The following LCOR variants were observed in gnomAD, a reference collection of about 807,000 sequenced individuals.
LCOR encodes ligand-dependent corepressor.
A neutral mutation model predicts 64.4 loss-of-function variants in LCOR; 14 were observed. That is an observed-to-expected ratio of 0.22 (90% CI 0.14 to 0.34). The LOEUF is 0.34. Ranked by LOEUF, LCOR falls within the 10% of genes least tolerant of loss-of-function variation. LCOR has a pLI of 1.00. For synonymous variants in LCOR, 643 were observed against 642.5 expected (o/e 1.00, Z -0.01); for missense variants, 1,686 against 1,765.3 (o/e 0.96, Z 0.80).
chr10:96,865,602 C>T (rs372865191), intron 2 of LCOR, among the ~76,000 whole-genome samples: 1 of 152,050 alleles, frequency 6.6e-6, no homozygotes, highest in African/African-American at 2.4e-5. Flanking sequence ...GAGCCAGGCG[C>T]GGTGGCTCAC....
intron 2 of LCOR, among the ~76,000 whole-genome samples, chr10:96,847,278 T>C (rs1023653799): frequency 4.0e-5 from 6 of 149,510 alleles, no homozygotes; most frequent in African/African-American, 1.5e-4. Context: ...TTTTCCACAT[T>C]AGCTGAGAAG....
At chr10:96,896,828 T>C (rs1026315918) in intron 2 of LCOR, among the ~76,000 whole-genome samples, 8 of 152,176 alleles carry the variant, frequency 5.3e-5, no homozygotes, top group African/African-American at 1.9e-4. Context: ...TAGGTCTAGG[T>C]TGGGGCTAAC....
intron 2 of LCOR, among the ~76,000 whole-genome samples, chr10:96,885,856 G>T (rs546688892): frequency 3.9e-5 from 6 of 151,980 alleles, no homozygotes; most frequent in Non-Finnish European, 8.8e-5. Flanking sequence ...AGGGTGCCCC[G>T]TTTTAATATT....
intron 2 of LCOR, among the ~76,000 whole-genome samples, chr10:96,857,022 ACT>A (rs1037006011): frequency 7.9e-5 from 12 of 151,738 alleles, no homozygotes; most frequent in Admixed American, 7.2e-4. Flanking sequence ...CCATTCTCTT[ACT>A]CTTTTTTTTA....
chr10:96,939,493 A>G (rs1847410358), intron 4 of LCOR, among the ~76,000 whole-genome samples: 1 of 152,364 alleles, frequency 6.6e-6, no homozygotes, highest in South Asian at 2.1e-4. Flanking sequence ...ATTGGAATTC[A>G]TTAAAATTAA....
At chr10:96,832,441 C>G in intron 1 of LCOR, 42 bp downstream of exon 1, 2 of 790,014 alleles carry the variant, frequency 2.5e-6, no homozygotes, top group Non-Finnish European at 3.1e-6. Flanking sequence ...CCGGCCGCCC[C>G]GCCGCCGGTC....
intron 2 of LCOR, among the ~76,000 whole-genome samples, chr10:96,894,345 G>A (rs1393871135): frequency 1.3e-5 from 2 of 152,268 alleles, no homozygotes; most frequent in East Asian, 3.9e-4. Flanking sequence ...CCAAAGTGCT[G>A]GGATTATAGG....
intron 4 of LCOR, among the ~76,000 whole-genome samples, chr10:96,943,734 A>T (rs1000731838): frequency 4.0e-5 from 6 of 148,924 alleles, no homozygotes; most frequent in Non-Finnish European, 7.4e-5. Context: ...TTCAAAAAAA[A>T]TTTTTTTTTT....
Position 96,862,715 on chromosome 10 carries a change from T to C in LCOR, c.-330+29236T>C, listed in dbSNP as rs145065406. Among the ~76,000 whole-genome samples the C allele has an allele frequency of 3.3e-3, 502 of 152,290 alleles. 3 individuals carry two copies. Among genetic ancestry groups the C allele is most frequent in the African/African-American group, 0.012 (483 of 41,552 alleles). ...TGGTGGCCAGCTCCTATCCTCAAGC[T>C]ACCTAGGAATTGCCAGCCCCCGTCA... On this transcript the variant is annotated intron_variant, in intron 2 of 7. Transcript: ENST00000421806.
At chr10:96,918,041 G>A (rs1476562609) in intron 4 of LCOR, among the ~76,000 whole-genome samples, 1 of 152,154 alleles carries the variant, frequency 6.6e-6, no homozygotes, top group Admixed American at 6.5e-5. Flanking sequence ...AAGGTCTGGG[G>A]TGAAGATATA....
chr10:96,970,598 C>CATTTTATTTTATTTTATTTTATTTATTTT (rs1847990226), intron 7 of LCOR, among the ~76,000 whole-genome samples: 4 of 141,060 alleles, frequency 2.8e-5, no homozygotes, highest in Admixed American at 6.8e-5. Context: ...TCCTAACCAG[C>CATTTTATTTTATTTTATTTTATTTATTTT]ATTTTATTTT....
chr10:96,860,323 A>T (rs968409026), intron 2 of LCOR, among the ~76,000 whole-genome samples: 11 of 152,172 alleles, frequency 7.2e-5, no homozygotes, highest in African/African-American at 2.4e-4. Context: ...CCCTAATCCA[A>T]CAAGTGATAA....
intron 2 of LCOR, among the ~76,000 whole-genome samples, chr10:96,892,269 G>C (rs1343433705): frequency 6.6e-6 from 1 of 152,154 alleles, no homozygotes; most frequent in African/African-American, 2.4e-5. Context: ...ATTTGGGGCT[G>C]TGTTGTTAGG....
intron 2 of LCOR, among the ~76,000 whole-genome samples, chr10:96,869,229 G>A (rs1308508979): frequency 1.3e-5 from 2 of 151,824 alleles, no homozygotes; most frequent in Admixed American, 6.6e-5. Flanking sequence ...TGTTTTGGCG[G>A]GGGGTCAGAG....
chr10:96,890,363 G>A (rs1846419267), intron 2 of LCOR, among the ~76,000 whole-genome samples: 1 of 152,106 alleles, frequency 6.6e-6, no homozygotes, highest in Non-Finnish European at 1.5e-5. Context: ...AGGACTGTAA[G>A]TGTGAGTCAC....
chr10:96,915,068 C>A (rs1589652352), intron 4 of LCOR, among the ~76,000 whole-genome samples: 2 of 152,286 alleles, frequency 1.3e-5, no homozygotes, highest in East Asian at 3.9e-4. Flanking sequence ...GGGAATCCCA[C>A]TTCCTGGAAG....
rs972699851 is a variant in LCOR at position 96,907,383 on chromosome 10, C to T, written c.-264+53C>T. ...ATTCTTCCTGGTGCCATACATGATA[C>T]GTTGGTGTTTTAAGCCTCAGTCTCC... On this transcript the variant is annotated intron_variant, in intron 3 of 7. Transcript: ENST00000421806. 8 of 610,174 alleles carry T rather than the reference C, an allele frequency of 1.3e-5. No individual in the cohort carries two copies. In the East Asian group the frequency reaches 4.2e-4, roughly 32 times the overall value. 37.8% of individuals were successfully genotyped at this position (610,174 alleles called of 1,614,324 possible).
In LCOR at chr10:96,981,583, A is replaced by C; in HGVS notation, c.1123A>C (p.Thr375Pro). 6.2e-7 allele frequency: 1 copy of C among 1,614,206 alleles called. No homozygotes were observed. Among genetic ancestry groups the C allele is most frequent in the Non-Finnish European group, 8.5e-7 (1 of 1,180,022 alleles). The change falls in exon 8 of 8, where the codon ACA becomes CCA. Residue 375 changes from threonine to proline, a missense_variant. Transcript: ENST00000421806. ...AGAGAATACTTTACAGTGTCCAAAA[A>C]CACCTTTGCGCCAGGATTTAGAGGC... ...DKENTLQCPKTPLRQDLEANE... is the reference protein window; with the variant it reads ...DKENTLQCPKPPLRQDLEANE...
At chr10:96,934,975 A>AAAT (rs1847323112) in intron 4 of LCOR, among the ~76,000 whole-genome samples, 1 of 152,164 alleles carries the variant, frequency 6.6e-6, no homozygotes, top group African/African-American at 2.4e-5. Flanking sequence ...TCCTAAATTT[A>AAAT]TTAGGAATAA....
Sources: allele counts gnomAD v4.1 joint callset (sites outside exome capture counted in the v4.1 genomes callset), GRCh38; gene constraint gnomAD v4.1.1; transcripts MANE v1.5; gene names NCBI Gene and HGNC (gene_info 2026-07-23, HGNC 2026-07-21).